MIOS: variants seen among roughly 807,000 people sequenced by gnomAD.
MIOS encodes meiosis regulator for oocyte development.
MIOS carries 52 observed loss-of-function variants against 96.9 expected under a neutral mutation model. That is an observed-to-expected ratio of 0.54 (90% CI 0.43 to 0.68). MIOS has a LOEUF of 0.68. MIOS is among the 30% of genes least tolerant of loss of function. The pLI is 0.00. For synonymous variants in MIOS, 397 were observed against 359.5 expected, an observed-to-expected ratio of 1.10 and a Z score of -1.18; for missense variants, 1,005 against 1,052.8, an observed-to-expected ratio of 0.95 and a Z score of 0.63.
intron 11 of MIOS, chr7:7,605,152 A>T (rs1784490726): frequency 6.6e-6 from 1 of 152,306 alleles, no homozygotes; most frequent in East Asian, 1.9e-4. Context: ...TAATGTCTTT[A>T]TAGATAGCAA....
chr7:7,596,270 G>A lies in MIOS; in HGVS notation c.2210G>A (p.Cys737Tyr). Residue 737 changes from cysteine (C) to tyrosine (Y), a missense_variant, in exon 11 of 13, where the codon TGC (cysteine) becomes TAC (tyrosine). Physicochemically the swap from Cys to Tyr is radical, Grantham distance 194. This residue lies in a region of MIOS where 865 missense variants were observed against 887.9 expected (regional missense o/e 0.97). Transcript: ENST00000340080. ...SKPLAQVFVS[C>Y]NFCGKSISYS... is the part of the protein sequence containing the mutation. ...TTTGTTTTGTAGGTTTTTGTGAGTT[G>A]CAATTTCTGTGGCAAGTCAATCTCC... 1.9e-6 allele frequency: 3 copies of A among 1,612,294 alleles called. No homozygotes were observed. The highest frequency in any genetic ancestry group is 2.5e-6 in the Non-Finnish European group (3 of 1,179,108).
chr7:7,576,982 TTTTGGAGCAAG>T (rs1235962381), intron 5 of MIOS, among the ~76,000 whole-genome samples: 1 of 152,164 alleles, frequency 6.6e-6, no homozygotes, highest in Non-Finnish European at 1.5e-5. Flanking sequence ...TTTGGGTTTA[TTTTGGAGCAAG>T]TTGAAATCAA....
intron 9 of MIOS, among the ~76,000 whole-genome samples, chr7:7,591,631 A>G (rs1163831277): frequency 4.6e-5 from 7 of 152,098 alleles, no homozygotes; most frequent in Admixed American, 2.0e-4. Flanking sequence ...GCAACCATCA[A>G]TAAAATGTTT....
intron 5 of MIOS, among the ~76,000 whole-genome samples, chr7:7,575,732 G>A (rs1383936827): frequency 6.6e-6 from 1 of 152,124 alleles, no homozygotes; most frequent in East Asian, 1.9e-4. Context: ...AGCAAAAGGG[G>A]AAAATGTAAT....
intron 12 of MIOS, 123 bp from the exon 13 acceptor site, chr7:7,606,873 C>T (rs1262358814): frequency 2.7e-6 from 2 of 731,812 alleles, no homozygotes; most frequent in Middle Eastern, 3.9e-4. Context: ...ATCACTTGAG[C>T]CCAAAAGTGT....
chr7:7,602,042 T>A (rs1220857543), intron 11 of MIOS, among the ~76,000 whole-genome samples: 1 of 152,174 alleles, frequency 6.6e-6, no homozygotes, highest in Non-Finnish European at 1.5e-5. Context: ...CTAAAAACTC[T>A]CAATAAATTA....
intron 3 of MIOS, among the ~76,000 whole-genome samples, chr7:7,569,474 G>A (rs1469613831): frequency 6.6e-6 from 1 of 152,234 alleles, no homozygotes; most frequent in Non-Finnish European, 1.5e-5. Context: ...CTCCTAGGGA[G>A]CGTAGAAGTG....
At chr7:7,593,648 C>G (rs141286605) in intron 9 of MIOS, among the ~76,000 whole-genome samples, 1 of 152,032 alleles carries the variant, frequency 6.6e-6, no homozygotes, top group African/African-American at 2.4e-5. Flanking sequence ...AATCCCAGCA[C>G]TTTGGGAGGC....
rs1232662862 is a variant in MIOS at position 7,607,469 on chromosome 7, T to C, written c.*377T>C. On this transcript the variant is annotated 3_prime_UTR_variant, in exon 13 of 13. Transcript: ENST00000340080. ...ATATCTTTCAATAAAATATGTGCAC[T>C]TTTAAAATAAAATGACTAATTCTGT... 6.5e-6 allele frequency: 1 copy of C among 154,098 alleles called. No individual in the cohort carries two copies. Among genetic ancestry groups the C allele is most frequent in the Non-Finnish European group, 1.4e-5 (1 of 69,394 alleles). 9.5% of individuals were successfully genotyped at this position (154,098 alleles called of 1,614,324 possible).
intron 7 of MIOS, among the ~76,000 whole-genome samples, chr7:7,586,651 A>C (rs1212222508): frequency 6.6e-6 from 1 of 152,182 alleles, no homozygotes; most frequent in Non-Finnish European, 1.5e-5. Flanking sequence ...ATTTTATTGG[A>C]GCAGCTTAAT....
rs147086021 is a variant in MIOS at position 7,585,281 on chromosome 7, G to C, written c.1649-355G>C. On this transcript the variant is annotated intron_variant, in intron 6 of 12. Coordinates refer to ENST00000340080, the MANE Select transcript of MIOS (RefSeq NM_019005.4). ...ACTTATATAAGACCCTGCCTGGATT[G>C]AGAACTTGAAAAGTAAAAGATCTGC... 2.5e-3 allele frequency among the ~76,000 whole-genome samples: 386 copies of C among 152,230 alleles called. 1 individual carries two copies. Among genetic ancestry groups the C allele is most frequent in the African/African-American group, 9.0e-3 (373 of 41,534 alleles).
chr7:7,579,827 G>GT (rs992775290), intron 5 of MIOS, among the ~76,000 whole-genome samples: 3 of 152,164 alleles, frequency 2.0e-5, no homozygotes, highest in African/African-American at 7.2e-5. Context: ...TGCCATCTAG[G>GT]TTTGTGTAAG....
chr7:7,606,123 A>G, intron 12 of MIOS, 52 bp downstream of exon 12: 1 of 1,591,338 alleles, frequency 6.3e-7, no homozygotes, highest in Non-Finnish European at 8.6e-7. Context: ...GGGATAACAC[A>G]GATTGCTTCT....
At chr7:7,587,154 G>A (rs144114284) in intron 7 of MIOS, among the ~76,000 whole-genome samples, 1 of 151,934 alleles carries the variant, frequency 6.6e-6, no homozygotes, top group South Asian at 2.1e-4. Context: ...GAGACTGCAG[G>A]CATGCACCAC....
At chr7:7,585,444 C>T (rs1783859558) in intron 6 of MIOS, among the ~76,000 whole-genome samples, 192 bp from the exon 7 acceptor site, 1 of 142,126 alleles carries the variant, frequency 7.0e-6, no homozygotes. Context: ...GAGTAAAGTG[C>T]AACTTTATTA....
At chr7:7,602,019 A>G (rs1334074300) in intron 11 of MIOS, among the ~76,000 whole-genome samples, 1 of 152,248 alleles carries the variant, frequency 6.6e-6, no homozygotes, top group Non-Finnish European at 1.5e-5. Context: ...ACAAAATTCA[A>G]CAACCCTTCA....
At chr7:7,587,782 T>C (rs1783935669) in intron 7 of MIOS, among the ~76,000 whole-genome samples, 1 of 152,124 alleles carries the variant, frequency 6.6e-6, no homozygotes, top group African/African-American at 2.4e-5. Context: ...AAAAGTAAAA[T>C]TTTCATAGGA....
chr7:7,585,785 G>A lies in MIOS; in HGVS notation c.1798G>A (p.Gly600Arg), dbSNP rs1170780783. 1 of 1,608,100 alleles carries A rather than the reference G, an allele frequency of 6.2e-7. No homozygotes were observed. The highest frequency in any genetic ancestry group is 8.5e-7 in the Non-Finnish European group (1 of 1,177,596). ...VMFAFLTSET[G>R]SYDGVLYENK... ...GTTTGCATTTCTGACAAGTGAAACA[G>A]GATCTTACGATGGAGTTTTGGTAAG... The change falls in exon 7 of 13, where the codon GGA (glycine) becomes AGA (arginine). Residue 600 changes from glycine (G) to arginine (R), a missense_variant. Gly to Arg is a moderately radical substitution (Grantham distance 125). Transcript: ENST00000340080.
In MIOS at chr7:7,596,243, C is replaced by T. The variant is rs750983345; in HGVS notation, c.2197-14C>T. 13 of 1,608,644 alleles carry T rather than the reference C, an allele frequency of 8.1e-6. No individual in the cohort carries two copies. The highest frequency in any genetic ancestry group is 5.0e-5 in the Admixed American group (3 of 59,542). On this transcript the variant is annotated splice_polypyrimidine_tract_variant and intron_variant, in intron 10 of 12. Coordinates refer to ENST00000340080, the MANE Select transcript of MIOS (RefSeq NM_019005.4). ...TTTGCATTACATTTATTTTTTCTTT[C>T]ATTTGTTTTGTAGGTTTTTGTGAGT...
Sources: allele counts gnomAD v4.1 joint callset (sites outside exome capture counted in the v4.1 genomes callset), GRCh38; gene constraint gnomAD v4.1.1; regional missense constraint gnomAD v4.1.1; transcripts MANE v1.5; gene names NCBI Gene and HGNC (gene_info 2026-07-23, HGNC 2026-07-21).